CTNNA2: variants seen among roughly 807,000 people sequenced by gnomAD.
CTNNA2 encodes catenin alpha 2, also known as catenin alpha-2.
A neutral mutation model predicts 101.0 loss-of-function variants in CTNNA2; 42 were observed. The ratio of observed to expected loss-of-function variants is 0.42; its 90% CI spans 0.32 to 0.54. CTNNA2 has a LOEUF of 0.54. CTNNA2 is among the 20% of genes least tolerant of loss of function. The pLI, the probability that CTNNA2 is intolerant of heterozygous loss-of-function variation, is 0.14. For missense variants in CTNNA2, 871 were observed against 1,223.1 expected (o/e 0.71, Z 4.29); for synonymous variants, 450 against 456.4 (o/e 0.99, Z 0.18).
intron 8 of CTNNA2, among the ~76,000 whole-genome samples, chr2:80,414,417 A>G (rs1435779775): frequency 6.6e-6 from 1 of 152,122 alleles, no homozygotes; most frequent in Non-Finnish European, 1.5e-5. Flanking sequence ...TCATGCTTGA[A>G]TCCCTGAATT....
At chr2:79,732,358 G>A (rs1182402503) in intron 2 of CTNNA2, among the ~76,000 whole-genome samples, 1 of 151,964 alleles carries the variant, frequency 6.6e-6, no homozygotes, top group Admixed American at 6.6e-5. Context: ...TATAAAAAAT[G>A]GGAATTTGTT....
chr2:80,314,267 G>A (rs2149234086), intron 7 of CTNNA2, among the ~76,000 whole-genome samples: 1 of 152,302 alleles, frequency 6.6e-6, no homozygotes, highest in South Asian at 2.1e-4. Flanking sequence ...CCTACAAAGT[G>A]CAGATTTTGA....
intron 6 of CTNNA2, among the ~76,000 whole-genome samples, chr2:79,905,902 T>C (rs1685386899): frequency 1.3e-5 from 2 of 152,214 alleles, no homozygotes; most frequent in Non-Finnish European, 2.9e-5. Context: ...TTGCTCAGGA[T>C]GGATTCATTT....
intron 7 of CTNNA2, among the ~76,000 whole-genome samples, chr2:80,198,841 T>TTTTGC (rs1311131782): frequency 6.6e-6 from 1 of 152,048 alleles, no homozygotes; most frequent in Non-Finnish European, 1.5e-5. Flanking sequence ...CCAACGTCAG[T>TTTTGC]TTTGTTTTGT....
intron 3 of CTNNA2, among the ~76,000 whole-genome samples, chr2:79,748,424 C>T (rs1264984705): frequency 6.6e-6 from 1 of 152,164 alleles, no homozygotes; most frequent in African/African-American, 2.4e-5. Flanking sequence ...TTTAAACTAC[C>T]TCCAGCATCC....
At chr2:79,773,948 G>A (rs1161031974) in intron 3 of CTNNA2, among the ~76,000 whole-genome samples, 1 of 152,052 alleles carries the variant, frequency 6.6e-6, no homozygotes, top group East Asian at 1.9e-4. Context: ...ATAGAGACTC[G>A]AGTCCCCTTT....
intron 3 of CTNNA2, among the ~76,000 whole-genome samples, chr2:79,783,280 CTT>C (rs1217422065): frequency 6.6e-6 from 1 of 152,072 alleles, no homozygotes; most frequent in Non-Finnish European, 1.5e-5. Context: ...GTCACATGAC[CTT>C]TGTGACTCAA....
intron 4 of CTNNA2, among the ~76,000 whole-genome samples, chr2:79,403,342 G>T (rs977309890): frequency 6.6e-6 from 1 of 151,816 alleles, no homozygotes; most frequent in Non-Finnish European, 1.5e-5. Context: ...GTATCACCTA[G>T]AACTAAACTG....
intron 4 of CTNNA2, among the ~76,000 whole-genome samples, chr2:79,459,024 A>C (rs1169635534): frequency 6.6e-6 from 1 of 152,158 alleles, no homozygotes; most frequent in Non-Finnish European, 1.5e-5. Flanking sequence ...TTTTATGCAC[A>C]CTTAAATGCA....
At chr2:79,839,546 G>C (rs529558297) in intron 3 of CTNNA2, among the ~76,000 whole-genome samples, 1 of 151,874 alleles carries the variant, frequency 6.6e-6, no homozygotes, top group Admixed American at 6.6e-5. Context: ...ATTCTGATTA[G>C]ACTTATGCTA....
At chr2:80,030,329 C>T (rs1695208864) in intron 7 of CTNNA2, among the ~76,000 whole-genome samples, 1 of 151,866 alleles carries the variant, frequency 6.6e-6, no homozygotes, top group African/African-American at 2.4e-5. Context: ...AATGATGAAA[C>T]TGAAAGTTTG....
intron 9 of CTNNA2, among the ~76,000 whole-genome samples, chr2:80,518,502 A>T (rs1239847658): frequency 9.9e-5 from 15 of 152,134 alleles, no homozygotes; most frequent in Non-Finnish European, 1.5e-4. Context: ...AATGCACAGA[A>T]GTTATATTCT....
At chr2:79,202,036 C>A (rs1242772646) in intron 2 of CTNNA2, among the ~76,000 whole-genome samples, 1 of 152,166 alleles carries the variant, frequency 6.6e-6, no homozygotes, top group Non-Finnish European at 1.5e-5. Context: ...AGATAAGAGA[C>A]AAATGATTGT....
chr2:80,233,568 A>G (rs915004284), intron 7 of CTNNA2, among the ~76,000 whole-genome samples: 7 of 152,088 alleles, frequency 4.6e-5, no homozygotes, highest in African/African-American at 1.7e-4. Flanking sequence ...ATGAAAATCC[A>G]CTCAGCCATT....
At chr2:80,490,288 C>CA (rs1553535577) in intron 9 of CTNNA2, among the ~76,000 whole-genome samples, 1 of 97,878 alleles carries the variant, frequency 1.0e-5, no homozygotes, top group Non-Finnish European at 1.8e-5. Flanking sequence ...CCACCCCCCC[C>CA]CCGGTAAAGC....
At chr2:79,849,716 G>A (rs1326469279) in intron 3 of CTNNA2, among the ~76,000 whole-genome samples, 2 of 152,180 alleles carry the variant, frequency 1.3e-5, no homozygotes, top group African/African-American at 4.8e-5. Context: ...TTTAGCAAAT[G>A]TTTTGGTTTC....
intron 9 of CTNNA2, among the ~76,000 whole-genome samples, chr2:80,437,625 A>T (rs1282090661): frequency 1.3e-5 from 2 of 152,190 alleles, no homozygotes; most frequent in African/African-American, 4.8e-5. Context: ...TTCTGGCATT[A>T]GTTCTAAAGC....
At chr2:80,616,127 C>T (rs529225998) in intron 17 of CTNNA2, among the ~76,000 whole-genome samples, 8 of 151,766 alleles carry the variant, frequency 5.3e-5, no homozygotes, top group East Asian at 3.9e-4. Flanking sequence ...CCTGTCAAAT[C>T]GGAACAACCT....
At chr2:80,335,844 A>G (rs1427023440) in intron 7 of CTNNA2, among the ~76,000 whole-genome samples, 1 of 152,180 alleles carries the variant, frequency 6.6e-6, no homozygotes, top group African/African-American at 2.4e-5. Context: ...TAGACACAAA[A>G]ATGCATTTGA....
Sources: gnomAD v4.1 joint callset for allele counts (sites outside exome capture counted in the v4.1 genomes callset) on GRCh38, gnomAD v4.1.1 for gene constraint, MANE v1.5 for transcripts, NCBI Gene and HGNC (gene_info 2026-07-23, HGNC 2026-07-21) for gene names.